Variants in STEAP4 observed in about 807,000 individuals in gnomAD.
STEAP4 encodes metalloreductase STEAP4.
Under a neutral mutation model 43.6 loss-of-function variants are expected in STEAP4, and 36 were observed. The observed-to-expected ratio is 0.83, with a 90% CI of 0.63 to 1.09. The LOEUF (loss-of-function observed/expected upper bound fraction) is 1.09. Among genes scored for constraint, STEAP4 ranks in the 50% least tolerant of loss-of-function variants. The pLI, the probability that STEAP4 is intolerant of heterozygous loss-of-function variation, is 0.00. For missense variants in STEAP4, 495 were observed against 546.5 expected, an observed-to-expected ratio of 0.91 and a Z score of 0.94; for synonymous variants, 191 against 196.7, an observed-to-expected ratio of 0.97 and a Z score of 0.24.
rs765575267 is a variant in STEAP4 at position 88,279,412 on chromosome 7, T to C, written c.1366A>G (p.Asn456Asp). The change falls in exon 5 of 5, where the codon AAC becomes GAC. Residue 456 changes from asparagine to aspartate, a missense_variant. Coordinates refer to ENST00000380079, the MANE Select transcript of STEAP4 (RefSeq NM_024636.4). ...CAATGCTTTTTCTAGTGTTTTGAGTTCCTTTCCCAGCCCTGGCGGATCCTT... is the reference window on the plus strand; with the variant it reads ...CAATGCTTTTTCTAGTGTTTTGAGTCCCTTTCCCAGCCCTGGCGGATCCTT... ...LTRIRQGWERNSKH is the reference protein window; with the variant it reads ...LTRIRQGWERDSKH 5.6e-6 allele frequency: 9 copies of C among 1,613,772 alleles called. No individual in the cohort carries two copies. The highest frequency in any genetic ancestry group is 7.6e-6 in the Non-Finnish European group (9 of 1,179,902).
chr7:88,282,779 C>T lies in STEAP4; in HGVS notation c.846G>A (p.Trp282Ter), dbSNP rs1346430865. 6.2e-7 allele frequency: 1 copy of T among 1,614,096 alleles called. No homozygotes were observed. Among genetic ancestry groups the T allele is most frequent in the Admixed American group, 1.7e-5 (1 of 59,994 alleles). ...TTCGGCAAAGCATCCAGTGGTCAAG[C>T]CAGTCTGGGAATCGACGGTATTTTG... Reference protein sequence around the residue: ...RGTKYRRFPDWLDHWMLCRKQ... With the variant: ...RGTKYRRFPD The change falls in exon 3 of 5, where the codon TGG becomes TGA. Residue 282 changes from tryptophan to a stop codon, truncating the protein, a stop_gained. Coordinates refer to ENST00000380079, the MANE Select transcript of STEAP4 (RefSeq NM_024636.4). LOFTEE classifies it high-confidence loss of function.
Position 88,275,907 on chromosome 7 carries a change from C to T in STEAP4, c.*3491G>A, listed in dbSNP as rs1852507119. On this transcript the variant is annotated 3_prime_UTR_variant, in exon 5 of 5. Coordinates refer to ENST00000380079, the MANE Select transcript of STEAP4 (RefSeq NM_024636.4). ...GCTTTCCATTTGCTTCCAGCTTCCT[C>T]CAGGTTGTCAGTCCTCTCTTTATTT... 6.6e-6 allele frequency: 1 copy of T among 152,128 alleles called. No individual in the cohort carries two copies. Among genetic ancestry groups the T allele is most frequent in the Admixed American group, 6.5e-5 (1 of 15,270 alleles). The allele number at this position is 152,128 out of a possible 1,614,324, so 9.4% of individuals were successfully genotyped here. A position where few individuals can be genotyped will look rare whatever the true frequency, so the allele number is the denominator to read the frequency against.
intron 1 of STEAP4, chr7:88,292,682 C>T (rs1055761626): frequency 2.6e-5 from 4 of 152,048 alleles, no homozygotes; most frequent in African/African-American, 7.2e-5. Context: ...GAGACTAGAC[C>T]ATCCCTCATG....
chr7:88,296,547 GAT>G (rs200915109), intron 1 of STEAP4, among the ~76,000 whole-genome samples: 1,797 of 152,026 alleles, frequency 0.012, 35 homozygotes, highest in African/African-American at 0.04. Context: ...TTGATGACTT[GAT>G]AACATATTTG....
Position 88,273,225 on chromosome 7 carries a change from G to C in STEAP4, c.*6173C>G, listed in dbSNP as rs1054108976. 4 of 152,166 alleles carry C rather than the reference G, an allele frequency of 2.6e-5. No homozygotes were observed. The highest frequency in any genetic ancestry group is 5.9e-5 in the Non-Finnish European group (4 of 68,024). The allele number at this position is 152,166 out of a possible 1,614,324, so 9.4% of individuals were successfully genotyped here. A position where few individuals can be genotyped will look rare whatever the true frequency, so the allele number is the denominator to read the frequency against. On this transcript the variant is annotated 3_prime_UTR_variant, in exon 5 of 5. Transcript: ENST00000380079. ...TAAAACTTATTTATTTTGCTGTAAT[G>C]AAATGAGAACAGGAAGTCTGTCATT...
At chr7:88,290,265 C>G (rs1007440913) in intron 1 of STEAP4, 1 of 152,100 alleles carries the variant, frequency 6.6e-6, no homozygotes, top group Non-Finnish European at 1.5e-5. Flanking sequence ...ACTTCATGGT[C>G]CTATTTTTTG....
intron 1 of STEAP4, among the ~76,000 whole-genome samples, chr7:88,291,748 T>C (rs1471869829): frequency 6.6e-6 from 1 of 152,064 alleles, no homozygotes; most frequent in Non-Finnish European, 1.5e-5. Flanking sequence ...ATAAAAAAGG[T>C]AGTAAACAGG....
rs113842568 is a variant in STEAP4 at position 88,294,967 on chromosome 7, G to C, written c.-2-10696C>G. ...CAACCATTGTTTATGCACACCATTAGGAGTCTAACTTGTTTCTTAGCTCAC... is the reference window on the plus strand; with the variant it reads ...CAACCATTGTTTATGCACACCATTACGAGTCTAACTTGTTTCTTAGCTCAC... On this transcript the variant is annotated intron_variant, in intron 1 of 4. Coordinates refer to ENST00000380079, the MANE Select transcript of STEAP4 (RefSeq NM_024636.4). 7.1e-3 allele frequency among the ~76,000 whole-genome samples: 1,074 copies of C among 152,068 alleles called. 11 individuals are homozygous for C. The highest frequency in any genetic ancestry group is 0.025 in the African/African-American group (1,044 of 41,484).
At position 88,274,936 on chromosome 7, in the gene STEAP4, T is replaced by A. The variant is rs1181807244; in HGVS notation, c.*4462A>T. On this transcript the variant is annotated 3_prime_UTR_variant, in exon 5 of 5. Transcript: ENST00000380079. Reference sequence around the variant, plus strand: ...CAGCCAAAGATCACTTTCATTGCCATCTTGGTTTTGGTAGGTTTTGGACGG... The same window carrying A: ...CAGCCAAAGATCACTTTCATTGCCAACTTGGTTTTGGTAGGTTTTGGACGG... 1 of 152,242 alleles carries A rather than the reference T, an allele frequency of 6.6e-6. No individual in the cohort carries two copies. Among genetic ancestry groups the A allele is most frequent in the Admixed American group, 6.5e-5 (1 of 15,272 alleles). 9.4% of individuals were successfully genotyped at this position (152,242 alleles called of 1,614,324 possible).
intron 1 of STEAP4, chr7:88,298,400 C>A (rs959882741): frequency 5.3e-5 from 8 of 151,196 alleles, no homozygotes; most frequent in Non-Finnish European, 1.2e-4. Flanking sequence ...AAGATAAACT[C>A]TTCTGATATT....
intron 1 of STEAP4, among the ~76,000 whole-genome samples, chr7:88,303,579 C>A (rs1432073667): frequency 6.6e-6 from 1 of 151,834 alleles, no homozygotes; most frequent in African/African-American, 2.4e-5. Flanking sequence ...CCTCTCCACA[C>A]ATGGCTGAAT....
intron 1 of STEAP4, among the ~76,000 whole-genome samples, chr7:88,288,973 G>A (rs559443614): frequency 1.6e-3 from 249 of 152,090 alleles, no homozygotes; most frequent in Non-Finnish European, 3.1e-3. Flanking sequence ...TTTTCTTTCA[G>A]TATTGAATTT....
rs116973285 is a variant in STEAP4 at position 88,284,506 on chromosome 7, T to G, written c.-2-235A>C. Among the ~76,000 whole-genome samples, 1,294 of 152,264 alleles carry G rather than the reference T, an allele frequency of 8.5e-3. 3 individuals carry two copies. The highest frequency in any genetic ancestry group is 0.014 in the Non-Finnish European group (963 of 68,018). On this transcript the variant is annotated intron_variant, in intron 1 of 4. Coordinates refer to ENST00000380079, the MANE Select transcript of STEAP4 (RefSeq NM_024636.4). ...TATGTGTCTTATTTAACAAAATCAC[T>G]GGTGAAAAGCTTCTGTTTGATAAAA... is the stretch of plus-strand genomic sequence containing the variant.
At chr7:88,282,463 A>T in intron 3 of STEAP4, 178 bp downstream of exon 3, 1 of 686,798 alleles carries the variant, frequency 1.5e-6, no homozygotes, top group Non-Finnish European at 2.3e-6. Context: ...TATTCTTAAT[A>T]GTTGTATGAG....
intron 1 of STEAP4, among the ~76,000 whole-genome samples, chr7:88,300,710 A>G (rs1022298825): frequency 3.9e-5 from 6 of 151,984 alleles, no homozygotes; most frequent in Admixed American, 1.3e-4. Context: ...CCAACATACC[A>G]CTGGTTCTTC....
At chr7:88,284,353 A>G in intron 1 of STEAP4, 82 bp from the exon 2 acceptor site, 1 of 998,384 alleles carries the variant, frequency 1.0e-6, no homozygotes, top group South Asian at 1.7e-5. Flanking sequence ...TTCAAGAAGT[A>G]ATGTAATTGA....
At chr7:88,288,575 C>A (rs1204678454) in intron 1 of STEAP4, among the ~76,000 whole-genome samples, 1 of 152,094 alleles carries the variant, frequency 6.6e-6, no homozygotes, top group Non-Finnish European at 1.5e-5. Context: ...ATCATTAAAC[C>A]ATTAACAAAT....
chr7:88,279,712 C>A, intron 4 of STEAP4, 84 bp from the exon 5 acceptor site: 1 of 1,147,600 alleles, frequency 8.7e-7, no homozygotes, highest in South Asian at 1.5e-5. Flanking sequence ...AGATATTTGT[C>A]AACAACCACA....
chr7:88,291,281 C>T (rs943489368), intron 1 of STEAP4, among the ~76,000 whole-genome samples: 12 of 151,768 alleles, frequency 7.9e-5, no homozygotes, highest in South Asian at 6.2e-4. Flanking sequence ...GTCAGGAGCT[C>T]GAGACCAGCT....
Sources: gnomAD v4.1 joint callset for allele counts (sites outside exome capture counted in the v4.1 genomes callset) on GRCh38, gnomAD v4.1.1 for gene constraint, MANE v1.5 for transcripts, NCBI Gene and HGNC (gene_info 2026-07-23, HGNC 2026-07-21) for gene names.